Variants in LRRC58 observed in about 807,000 individuals in gnomAD.
LRRC58 encodes the protein leucine-rich repeat-containing protein 58.
Under a neutral mutation model 30.6 loss-of-function variants are expected in LRRC58, and 18 were observed. That is an observed-to-expected ratio of 0.59 (90% CI 0.41 to 0.87). The LOEUF (loss-of-function observed/expected upper bound fraction) is 0.87. Among genes scored for constraint, LRRC58 ranks in the 40% least tolerant of loss-of-function variants. The pLI, the probability that LRRC58 is intolerant of heterozygous loss-of-function variation, is 0.00. For missense variants in LRRC58, 420 were observed against 468.4 expected (o/e 0.90, Z 0.95); for synonymous variants, 221 against 206.0 (o/e 1.07, Z -0.62).
At chr3:120,332,592 A>T (rs1487251690) in intron 3 of LRRC58, among the ~76,000 whole-genome samples, 1 of 152,226 alleles carries the variant, frequency 6.6e-6, no homozygotes, top group East Asian at 1.9e-4. Context: ...AAAGCAGTAT[A>T]ACACTATCTT....
At position 120,331,314 on chromosome 3, in the gene LRRC58, T is replaced by C. The variant is rs1395484141; in HGVS notation, c.1002A>G (p.Glu334=). 1 of 1,613,974 alleles carries C rather than the reference T, an allele frequency of 6.2e-7. No homozygotes were observed. The highest frequency in any genetic ancestry group is 1.1e-5 in the South Asian group (1 of 91,086). Residue 334 remains glutamate, a synonymous_variant, in exon 4 of 4, where the codon GAA becomes GAG. Coordinates refer to ENST00000295628, the MANE Select transcript of LRRC58 (RefSeq NM_001099678.2). The part of the protein sequence containing the change: ...LPLMHYLCSP[E]CSSPCSSASH... The stretch of plus-strand genomic sequence containing the variant: ...AGGCAGAACTGCAAGGGGAAGAACA[T>C]TCTGGTGAACACAAGTAGTGCATCA...
chr3:120,331,066 G>T lies in LRRC58; in HGVS notation c.*134C>A. On this transcript the variant is annotated 3_prime_UTR_variant, in exon 4 of 4. Transcript: ENST00000295628. The stretch of plus-strand genomic sequence containing the variant: ...TGAATGGGTAGATGAAACACAAAAT[G>T]TTTTATATCATCCCAGACTCTTTGA... The T allele has an allele frequency of 2.8e-6, 2 of 718,894 alleles. No individual in the cohort carries two copies. The highest frequency in any genetic ancestry group is 2.4e-6 in the Non-Finnish European group (1 of 422,796). 44.5% of individuals were successfully genotyped at this position (718,894 alleles called of 1,614,324 possible).
chr3:120,330,394 C>A lies in LRRC58; in HGVS notation c.*806G>T, dbSNP rs1935738038. ...GCCATGAGATCGGATATTAGATACA[C>A]AGTTATTTACCTAGTTCTGTTAAAG... On this transcript the variant is annotated 3_prime_UTR_variant, in exon 4 of 4. Transcript: ENST00000295628. 6.6e-6 allele frequency: 1 copy of A among 152,102 alleles called. No homozygotes were observed. Among genetic ancestry groups the A allele is most frequent in the Non-Finnish European group, 1.5e-5 (1 of 67,974 alleles). The allele number at this position is 152,102 out of a possible 1,614,324, so 9.4% of individuals were successfully genotyped here.
chr3:120,336,669 A>G (rs1392093013), intron 1 of LRRC58, among the ~76,000 whole-genome samples: 1 of 152,004 alleles, frequency 6.6e-6, no homozygotes, highest in East Asian at 1.9e-4. Flanking sequence ...ATAAAATCAA[A>G]GTTCCAGGTA....
At chr3:120,332,508 C>G (rs750343194) in intron 3 of LRRC58, among the ~76,000 whole-genome samples, 11 of 151,800 alleles carry the variant, frequency 7.2e-5, no homozygotes, top group Non-Finnish European at 1.5e-4. Flanking sequence ...GATAATAAAT[C>G]CCCTAAAATG....
rs1485860183 is a variant in LRRC58, at chr3:120,327,167, C to G, written c.*4033G>C. The stretch of plus-strand genomic sequence containing the variant: ...TTAATTTTAAAACAATTCACTATTA[C>G]TTTAAAGGGCTTTCTAGGCCTAGGA... On this transcript the variant is annotated 3_prime_UTR_variant, in exon 4 of 4. Transcript: ENST00000295628. 1.3e-5 allele frequency: 2 copies of G among 151,238 alleles called. No homozygotes were observed. Among genetic ancestry groups the G allele is most frequent in the East Asian group, 3.9e-4 (2 of 5,160 alleles). 9.4% of individuals were successfully genotyped at this position (151,238 alleles called of 1,614,324 possible).
chr3:120,344,882 C>G (rs747810090), intron 1 of LRRC58, among the ~76,000 whole-genome samples: 27 of 152,238 alleles, frequency 1.8e-4, no homozygotes, highest in Non-Finnish European at 3.4e-4. Flanking sequence ...ATTATACCTA[C>G]TTTTTCAGCA....
At chr3:120,342,332 C>T (rs1935914742) in intron 1 of LRRC58, among the ~76,000 whole-genome samples, 1 of 152,164 alleles carries the variant, frequency 6.6e-6, no homozygotes, top group African/African-American at 2.4e-5. Context: ...CACTTCCTCC[C>T]CTCTGAGGTC....
chr3:120,337,690 A>G (rs1392911064), intron 1 of LRRC58, among the ~76,000 whole-genome samples: 1 of 152,130 alleles, frequency 6.6e-6, no homozygotes, highest in African/African-American at 2.4e-5. Context: ...GTCTCCTACT[A>G]TAAACATGAT....
At chr3:120,347,406 A>G (rs1935985392) in intron 1 of LRRC58, among the ~76,000 whole-genome samples, 1 of 15,466 alleles carries the variant, frequency 6.5e-5, no homozygotes, top group African/African-American at 3.7e-4. Flanking sequence ...TTTTTTTGAG[A>G]CAGAGTCTCG....
Position 120,326,458 on chromosome 3 carries a change from C to T in LRRC58, c.*4742G>A, listed in dbSNP as rs1576178870. On this transcript the variant is annotated 3_prime_UTR_variant, in exon 4 of 4. Transcript: ENST00000295628. ...TGCCAGGATTACTGGCGTGAGCCACCATGCCTGGCCCAAAATTGTACACTA... is the reference window on the plus strand; with the variant it reads ...TGCCAGGATTACTGGCGTGAGCCACTATGCCTGGCCCAAAATTGTACACTA... The T allele has an allele frequency of 6.6e-6, 1 of 152,360 alleles. No homozygotes were observed. The highest frequency in any genetic ancestry group is 1.9e-4 in the East Asian group (1 of 5,186). The allele number at this position is 152,360 out of a possible 1,614,324, so 9.4% of individuals were successfully genotyped here.
At chr3:120,334,389 T>C (rs933294503) in intron 3 of LRRC58, among the ~76,000 whole-genome samples, 1 of 152,000 alleles carries the variant, frequency 6.6e-6, no homozygotes, top group East Asian at 1.9e-4. Context: ...GCGCCTGTAG[T>C]CCCAGCTACT....
At chr3:120,334,752 G>T in intron 3 of LRRC58, 110 bp downstream of exon 3, 1 of 1,023,964 alleles carries the variant, frequency 9.8e-7, no homozygotes, top group Non-Finnish European at 1.4e-6. Context: ...TCATAAATGA[G>T]TGAAAAAATA....
intron 1 of LRRC58, among the ~76,000 whole-genome samples, chr3:120,346,536 G>A (rs1365599232): frequency 6.6e-6 from 1 of 152,140 alleles, no homozygotes; most frequent in African/African-American, 2.4e-5. Flanking sequence ...ACCTATGACA[G>A]GATCTACTGC....
chr3:120,335,731 T>C, intron 2 of LRRC58, 94 bp downstream of exon 2: 1 of 1,077,184 alleles, frequency 9.3e-7, no homozygotes, highest in Non-Finnish European at 1.3e-6. Context: ...GAATATCTAA[T>C]TCTTTTCTAC....
intron 1 of LRRC58, among the ~76,000 whole-genome samples, chr3:120,341,987 G>C (rs1239168945): frequency 6.6e-6 from 1 of 152,130 alleles, no homozygotes. Context: ...TGCAGGAGCT[G>C]GGTATCTCTG....
rs1351096074 is a variant in LRRC58 at position 120,335,745 on chromosome 3, T to G, written c.629+80A>C. 3.4e-6 allele frequency: 4 copies of G among 1,171,116 alleles called. No individual in the cohort carries two copies. The East Asian group carries it at 9.6e-5, about 28-fold the overall frequency. The allele number at this position is 1,171,116 out of a possible 1,614,324, so 72.5% of individuals were successfully genotyped here. Reference sequence around the variant, plus strand: ...AGAATATCTAATTCTTTTCTACATATAAAAACATGTGAGTGAATACAAGAC... The same window carrying G: ...AGAATATCTAATTCTTTTCTACATAGAAAAACATGTGAGTGAATACAAGAC... On this transcript the variant is annotated intron_variant, in intron 2 of 3. Transcript: ENST00000295628.
chr3:120,341,934 C>T (rs1402156243), intron 1 of LRRC58, among the ~76,000 whole-genome samples: 1 of 152,112 alleles, frequency 6.6e-6, no homozygotes, highest in Non-Finnish European at 1.5e-5. Flanking sequence ...TGGGAGCAGG[C>T]AGGACCTGCC....
At chr3:120,345,703 T>C (rs1935959312) in intron 1 of LRRC58, among the ~76,000 whole-genome samples, 1 of 152,234 alleles carries the variant, frequency 6.6e-6, no homozygotes, top group South Asian at 2.1e-4. Context: ...CACAACCCTT[T>C]TAACCTACAA....
Sources: gnomAD v4.1 joint callset for allele counts (sites outside exome capture counted in the v4.1 genomes callset) on GRCh38, gnomAD v4.1.1 for gene constraint, MANE v1.5 for transcripts, NCBI Gene and HGNC (gene_info 2026-07-23, HGNC 2026-07-21) for gene names.